Variants in CNTN4 observed in about 807,000 individuals in gnomAD.
CNTN4 encodes the protein contactin 4, also known as contactin-4.
In CNTN4, 77 loss-of-function variants were observed where a neutral mutation model predicts 122.5. The ratio of observed to expected loss-of-function variants is 0.63; its 90% CI spans 0.52 to 0.76. CNTN4 has a LOEUF of 0.76. CNTN4 is among the 30% of genes least tolerant of loss of function. The probability of loss-of-function intolerance (pLI) is 0.00; values close to 1 mark genes in which losing one functional copy is unlikely to be tolerated. For synonymous variants in CNTN4, 512 were observed against 447.0 expected, an observed-to-expected ratio of 1.15 and a Z score of -1.83; for missense variants, 1,256 against 1,259.1, an observed-to-expected ratio of 1.00 and a Z score of 0.04.
intron 4 of CNTN4, among the ~76,000 whole-genome samples, chr3:2,583,361 A>G (rs2080035135): frequency 6.6e-6 from 1 of 152,240 alleles, no homozygotes; most frequent in South Asian, 2.1e-4. Flanking sequence ...AAAAAGATTA[A>G]TTCATTTGCC....
At chr3:2,195,719 A>G (rs1217334727) in intron 2 of CNTN4, among the ~76,000 whole-genome samples, 4 of 152,210 alleles carry the variant, frequency 2.6e-5, no homozygotes, top group Admixed American at 2.0e-4. Context: ...TGGGAATCAC[A>G]TGGCTATTCT....
intron 4 of CNTN4, among the ~76,000 whole-genome samples, chr3:2,684,166 G>A (rs138249763): frequency 1.3e-4 from 20 of 152,224 alleles, no homozygotes; most frequent in African/African-American, 2.4e-4. Flanking sequence ...TTAAATACAA[G>A]GGGAAGCCAT....
At chr3:2,108,988 T>C (rs1178656384) in intron 2 of CNTN4, among the ~76,000 whole-genome samples, 1 of 152,232 alleles carries the variant, frequency 6.6e-6, no homozygotes, top group East Asian at 1.9e-4. Flanking sequence ...TAAACAATGT[T>C]ACTCAGAGTT....
chr3:2,770,421 C>T (rs2091045304), intron 6 of CNTN4, among the ~76,000 whole-genome samples: 1 of 152,182 alleles, frequency 6.6e-6, no homozygotes, highest in South Asian at 2.1e-4. Flanking sequence ...ACACACAAAC[C>T]TTCCCTGGTG....
intron 3 of CNTN4, among the ~76,000 whole-genome samples, chr3:2,452,101 G>A (rs2048850238): frequency 6.6e-6 from 1 of 152,112 alleles, no homozygotes; most frequent in African/African-American, 2.4e-5. Flanking sequence ...ACCCTATCCA[G>A]AATTGACATA....
chr3:2,414,296 C>G (rs1327799559), intron 3 of CNTN4, among the ~76,000 whole-genome samples: 1 of 152,126 alleles, frequency 6.6e-6, no homozygotes, highest in African/African-American at 2.4e-5. Flanking sequence ...TAATTTGTTT[C>G]TTCTACACCA....
intron 7 of CNTN4, among the ~76,000 whole-genome samples, chr3:2,824,274 C>T (rs749120071): frequency 7.2e-5 from 11 of 151,786 alleles, no homozygotes; most frequent in Non-Finnish European, 1.5e-4. Flanking sequence ...TCAGCCTGGC[C>T]AACATAGAGA....
chr3:2,482,972 G>A (rs2076048190), intron 3 of CNTN4, among the ~76,000 whole-genome samples: 1 of 152,170 alleles, frequency 6.6e-6, no homozygotes, highest in Non-Finnish European at 1.5e-5. Flanking sequence ...CTGCCTAGTG[G>A]AGCTATGAGA....
chr3:2,293,948 C>T (rs1209992891), intron 2 of CNTN4, among the ~76,000 whole-genome samples: 1 of 152,176 alleles, frequency 6.6e-6, no homozygotes, highest in Non-Finnish European at 1.5e-5. Flanking sequence ...TTTGACTGGG[C>T]TCTGCTGATG....
At chr3:2,302,738 G>T (rs926273143) in intron 2 of CNTN4, among the ~76,000 whole-genome samples, 1 of 152,124 alleles carries the variant, frequency 6.6e-6, no homozygotes, top group Non-Finnish European at 1.5e-5. Flanking sequence ...AGATGCTAAG[G>T]TGATATTGAT....
In CNTN4 at chr3:2,370,890, A is replaced by G. The variant is rs187899745; in HGVS notation, c.-89+31657A>G. On this transcript the variant is annotated intron_variant, in intron 3 of 24. Transcript: ENST00000418658. ...TTAGGCATGCAGTTTTTAAGACCCAATCAATCTATTGATAGTGTTAAGTTT... is the reference window on the plus strand; with the variant it reads ...TTAGGCATGCAGTTTTTAAGACCCAGTCAATCTATTGATAGTGTTAAGTTT... Among the ~76,000 whole-genome samples the G allele has an allele frequency of 4.7e-3, 719 of 152,302 alleles. 10 individuals are homozygous for G. The highest frequency in any genetic ancestry group is 0.015 in the African/African-American group (628 of 41,558).
intron 13 of CNTN4, among the ~76,000 whole-genome samples, chr3:2,940,419 G>A (rs2094603314): frequency 6.6e-6 from 1 of 152,202 alleles, no homozygotes. Flanking sequence ...AGCTGTACAG[G>A]CTGCATGGTA....
chr3:2,300,320 C>T (rs2042457500), intron 2 of CNTN4, among the ~76,000 whole-genome samples: 1 of 151,956 alleles, frequency 6.6e-6, no homozygotes, highest in African/African-American at 2.4e-5. Flanking sequence ...GCATAATGTC[C>T]TGAAAGTTCA....
chr3:2,639,636 A>C (rs2082816593), intron 4 of CNTN4, among the ~76,000 whole-genome samples: 1 of 152,252 alleles, frequency 6.6e-6, no homozygotes. Flanking sequence ...AGTGCCTGGC[A>C]CACAGCAGGT....
chr3:2,340,710 T>TATATATATATATAGAGAGAGAGAGAGAG, intron 3 of CNTN4, among the ~76,000 whole-genome samples: 17 of 18,298 alleles, frequency 9.3e-4, no homozygotes, highest in East Asian at 5.0e-3. Flanking sequence ...TATATATATA[T>TATATATATATATAGAGAGAGAGAGAGAG]AGAGAGAGAG....
At chr3:2,956,831 A>G (rs2094804400) in intron 13 of CNTN4, among the ~76,000 whole-genome samples, 1 of 152,168 alleles carries the variant, frequency 6.6e-6, no homozygotes, top group African/African-American at 2.4e-5. Context: ...CCATGGCTCT[A>G]CTTTCTGCTT....
intron 3 of CNTN4, among the ~76,000 whole-genome samples, chr3:2,445,205 G>A (rs1343552138): frequency 6.6e-6 from 1 of 152,136 alleles, no homozygotes; most frequent in Non-Finnish European, 1.5e-5. Context: ...GGGATAGAAA[G>A]AATGATGATA....
chr3:2,604,280 A>T (rs1008457998), intron 4 of CNTN4, among the ~76,000 whole-genome samples: 3 of 152,128 alleles, frequency 2.0e-5, no homozygotes, highest in African/African-American at 7.2e-5. Flanking sequence ...CCCTGACTTG[A>T]TGCCTCTTCC....
At chr3:2,933,168 A>G (rs1008007698) in intron 13 of CNTN4, among the ~76,000 whole-genome samples, 22 of 152,296 alleles carry the variant, frequency 1.4e-4, no homozygotes, top group African/African-American at 5.1e-4. Context: ...CAGGAAATGT[A>G]CATTTTACGT....
Sources: allele counts gnomAD v4.1 joint callset (sites outside exome capture counted in the v4.1 genomes callset), GRCh38; gene constraint gnomAD v4.1.1; transcripts MANE v1.5; gene names NCBI Gene and HGNC (gene_info 2026-07-23, HGNC 2026-07-21).